Variants in RASA1 observed in about 807,000 individuals in gnomAD.
RASA1 encodes ras GTPase-activating protein 1.
RASA1 carries 25 observed loss-of-function variants against 132.2 expected under a neutral mutation model. The ratio of observed to expected loss-of-function variants is 0.19; its 90% CI spans 0.14 to 0.26. The LOEUF (loss-of-function observed/expected upper bound fraction) is 0.26. RASA1 is among the 10% of genes least tolerant of loss of function. The pLI is 1.00. For missense variants in RASA1, 964 were observed against 1,299.2 expected (o/e 0.74, Z 3.97); for synonymous variants, 477 against 449.9 (o/e 1.06, Z -0.76).
intron 1 of RASA1, among the ~76,000 whole-genome samples, chr5:87,276,307 T>G (rs7713115): frequency 0.44 from 66,688 of 151,996 alleles, 14,627 homozygotes; most frequent in Middle Eastern, 0.53. Flanking sequence ...ACGGATGTTG[T>G]TTATTGTTTG....
At chr5:87,378,636 T>A in intron 18 of RASA1, 98 bp downstream of exon 18, 1 of 1,300,134 alleles carries the variant, frequency 7.7e-7, no homozygotes, top group South Asian at 1.3e-5. Flanking sequence ...TATATTAAAT[T>A]TCTAAAATTA....
chr5:87,327,204 C>A (rs923887342), intron 1 of RASA1, among the ~76,000 whole-genome samples: 1 of 152,120 alleles, frequency 6.6e-6, no homozygotes, highest in Non-Finnish European at 1.5e-5. Context: ...CTATTATATT[C>A]CTTTTATAGA....
At chr5:87,356,383 A>AGTTTT (rs1554047341) in intron 9 of RASA1, among the ~76,000 whole-genome samples, 1 of 141,722 alleles carries the variant, frequency 7.1e-6, no homozygotes, top group Non-Finnish European at 1.6e-5. Flanking sequence ...GATGATTGTT[A>AGTTTT]TTTTTTTTTT....
intron 9 of RASA1, among the ~76,000 whole-genome samples, chr5:87,360,421 C>G (rs187129200): frequency 7.2e-5 from 11 of 152,274 alleles, no homozygotes; most frequent in African/African-American, 2.4e-4. Flanking sequence ...AAATGCAGTA[C>G]TTTTGAAAAC....
chr5:87,293,457 T>TGTA (rs1459169044), intron 1 of RASA1, among the ~76,000 whole-genome samples: 1 of 152,194 alleles, frequency 6.6e-6, no homozygotes, highest in Non-Finnish European at 1.5e-5. Context: ...GATCATGGTA[T>TGTA]GTAAGTACAT....
chr5:87,369,490 A>G (rs1458211833), intron 11 of RASA1, among the ~76,000 whole-genome samples: 2 of 152,168 alleles, frequency 1.3e-5, no homozygotes, highest in African/African-American at 2.4e-5. Flanking sequence ...GTGCATATAA[A>G]GCTTTTCAAA....
At chr5:87,348,372 A>T (rs548967377) in intron 7 of RASA1, among the ~76,000 whole-genome samples, 4 of 152,070 alleles carry the variant, frequency 2.6e-5, no homozygotes, top group Admixed American at 6.6e-5. Context: ...TCTTTTCTGG[A>T]TCATTTGAAC....
Position 87,372,687 on chromosome 5 carries a change from C to CT in RASA1, c.1776+500dup, listed in dbSNP as rs376154031. Among the ~76,000 whole-genome samples the CT allele has an allele frequency of 5.6e-4, 85 of 151,990 alleles. 1 individual carries two copies. Among genetic ancestry groups the CT allele is most frequent in the Middle Eastern group, 3.4e-3 (1 of 294 alleles). The stretch of plus-strand genomic sequence containing the variant: ...TGTGGAGAGTTAAGCTAGGCTTTCT[C>CT]TTTTTTTTGCCTTTACAAGGGTAAC... On this transcript the variant is annotated intron_variant, in intron 13 of 24. Transcript: ENST00000274376.
intron 12 of RASA1, 89 bp downstream of exon 12, chr5:87,369,989 A>G (rs1285986721): frequency 1.8e-6 from 2 of 1,105,350 alleles, no homozygotes; most frequent in Non-Finnish European, 2.7e-6. Flanking sequence ...CGCATTCAAG[A>G]TAAAGTGACA....
At chr5:87,333,387 C>T (rs560490945) in intron 4 of RASA1, 50 bp downstream of exon 4, 101 of 1,602,464 alleles carry the variant, frequency 6.3e-5, no homozygotes, top group South Asian at 6.1e-4. Context: ...AGCTAGACTT[C>T]GAAGATTTAT....
At chr5:87,364,658 C>A (rs1760371702) in intron 11 of RASA1, among the ~76,000 whole-genome samples, 1 of 152,104 alleles carries the variant, frequency 6.6e-6, no homozygotes, top group South Asian at 2.1e-4. Flanking sequence ...ATTCAGGCCT[C>A]TGTCTTTTCT....
chr5:87,381,495 CAACCATT>C (rs1761714604), intron 20 of RASA1, among the ~76,000 whole-genome samples: 1 of 152,156 alleles, frequency 6.6e-6, no homozygotes, highest in Admixed American at 6.5e-5. Flanking sequence ...AATAATTAGG[CAACCATT>C]AACACCATTA....
chr5:87,321,335 A>G (rs1756788631), intron 1 of RASA1, among the ~76,000 whole-genome samples: 1 of 152,250 alleles, frequency 6.6e-6, no homozygotes, highest in South Asian at 2.1e-4. Flanking sequence ...TCAGTTCTAC[A>G]GTGAACACCA....
intron 1 of RASA1, among the ~76,000 whole-genome samples, chr5:87,308,678 G>A (rs1342896825): frequency 6.6e-6 from 1 of 152,114 alleles, no homozygotes; most frequent in African/African-American, 2.4e-5. Context: ...GTAACATACA[G>A]TAATGTTAGC....
At chr5:87,367,826 C>T (rs565176312) in intron 11 of RASA1, among the ~76,000 whole-genome samples, 6 of 152,200 alleles carry the variant, frequency 3.9e-5, no homozygotes, top group South Asian at 2.1e-4. Flanking sequence ...CCAACATTTT[C>T]GTTGTCATTC....
intron 1 of RASA1, among the ~76,000 whole-genome samples, chr5:87,301,746 A>G (rs531398259): frequency 2.6e-5 from 4 of 152,104 alleles, no homozygotes; most frequent in Non-Finnish European, 5.9e-5. Flanking sequence ...GGTGGTCCTC[A>G]AAGTTTCAGA....
At chr5:87,337,857 T>TA in intron 4 of RASA1, 117 bp from the exon 5 acceptor site, 2 of 1,133,630 alleles carry the variant, frequency 1.8e-6, no homozygotes, top group Non-Finnish European at 2.4e-6. Flanking sequence ...TGTTTGACTC[T>TA]AATTCCTTAC....
At chr5:87,352,408 A>G (rs559258191) in intron 8 of RASA1, among the ~76,000 whole-genome samples, 1 of 151,802 alleles carries the variant, frequency 6.6e-6, no homozygotes, top group Non-Finnish European at 1.5e-5. Context: ...CCATTTGTCC[A>G]GTATATTAAA....
chr5:87,389,086 A>AAGAG (rs1351193636), intron 23 of RASA1, among the ~76,000 whole-genome samples: 1 of 152,176 alleles, frequency 6.6e-6, no homozygotes, highest in East Asian at 1.9e-4. Context: ...TTAGAATTTT[A>AAGAG]AGAGAAATTT....
Sources: allele counts gnomAD v4.1 joint callset (sites outside exome capture counted in the v4.1 genomes callset), GRCh38; gene constraint gnomAD v4.1.1; transcripts MANE v1.5; gene names NCBI Gene and HGNC (gene_info 2026-07-23, HGNC 2026-07-21).